Variants in SOS2 observed in about 807,000 individuals in gnomAD.
SOS2 encodes son of sevenless homolog 2.
A neutral mutation model predicts 148.2 loss-of-function variants in SOS2; 65 were observed. The observed-to-expected ratio is 0.44, with a 90% CI of 0.36 to 0.54. The LOEUF is 0.54. Ranked by LOEUF, SOS2 falls within the 20% of genes least tolerant of loss-of-function variation. SOS2 has a pLI of 0.00. For missense variants in SOS2, 1,341 were observed against 1,590.2 expected, an observed-to-expected ratio of 0.84 and a Z score of 2.67; for synonymous variants, 539 against 537.1, an observed-to-expected ratio of 1.00 and a Z score of -0.05.
At chr14:50,202,572 A>C (rs568349419) in intron 2 of SOS2, among the ~76,000 whole-genome samples, 2 of 152,100 alleles carry the variant, frequency 1.3e-5, no homozygotes, top group African/African-American at 4.8e-5. Context: ...TGTCTCTACA[A>C]AAAAATTTAA....
At position 50,161,127 on chromosome 14, in the gene SOS2, T is replaced by C. The variant is rs766448006; in HGVS notation, c.1196+355A>G. Among the ~76,000 whole-genome samples the C allele has an allele frequency of 8.2e-4, 125 of 152,168 alleles. 1 individual carries two copies. Among genetic ancestry groups the C allele is most frequent in the Non-Finnish European group, 1.5e-3 (105 of 67,976 alleles). ...GGCCGACGCGGTAAAACCCCGTCTCTACTAAAAATACAAAAATTAGCTGGG... is the reference window on the plus strand; with the variant it reads ...GGCCGACGCGGTAAAACCCCGTCTCCACTAAAAATACAAAAATTAGCTGGG... On this transcript the variant is annotated intron_variant, in intron 9 of 22. Transcript: ENST00000216373.
chr14:50,203,329 C>T (rs1414248098), intron 2 of SOS2, among the ~76,000 whole-genome samples: 1 of 152,074 alleles, frequency 6.6e-6, no homozygotes, highest in Non-Finnish European at 1.5e-5. Flanking sequence ...GATCACACCA[C>T]TGTACCCCAG....
chr14:50,125,622 TACTG>T (rs1883658062), intron 21 of SOS2, among the ~76,000 whole-genome samples: 1 of 144,596 alleles, frequency 6.9e-6, no homozygotes, highest in Non-Finnish European at 1.5e-5. Context: ...CAGAGAGTAA[TACTG>T]ACAAGCAGCA....
intron 1 of SOS2, 69 bp downstream of exon 1, chr14:50,231,128 G>T: frequency 2.1e-6 from 2 of 974,056 alleles, no homozygotes; most frequent in South Asian, 3.0e-5. Context: ...TGGGAGGGAC[G>T]ACCTGCTCCC....
chr14:50,178,453 G>A (rs1223886368), intron 7 of SOS2, among the ~76,000 whole-genome samples: 2 of 151,914 alleles, frequency 1.3e-5, no homozygotes, highest in African/African-American at 4.8e-5. Flanking sequence ...AAATCACCCA[G>A]TCTCAGTCTT....
rs1004995082 is a variant in SOS2, at chr14:50,118,646, T to C, written c.3697A>G (p.Asn1233Asp). 1.2e-6 allele frequency: 2 copies of C among 1,613,818 alleles called. No individual in the cohort carries two copies. Among genetic ancestry groups the C allele is most frequent in the African/African-American group, 2.7e-5 (2 of 74,818 alleles). ...TGCCCCAGTGGAGGTGGCTGAAGAT[T>C]AAATGGACAGTTTATAAAGTGTTCT... ...PPEHFINCPF[N>D]LQPPPLGHLH... Residue 1233 changes from asparagine (N) to aspartate (D), a missense_variant, in exon 23 of 23, where the codon AAT (asparagine) becomes GAT (aspartate). By Grantham distance (23) the Asn-to-Asp change is conservative. Around this residue, in one of 4 missense-constraint regions of SOS2, gnomAD observed 354 missense variants for 347.7 expected, o/e 1.02. Transcript: ENST00000216373.
intron 1 of SOS2, among the ~76,000 whole-genome samples, chr14:50,227,247 C>CT (rs71118857): frequency 0.012 from 1,412 of 121,522 alleles, 43 homozygotes; most frequent in African/African-American, 0.039. Flanking sequence ...TTCTTTCTTT[C>CT]TTTTTTTTTT....
intron 1 of SOS2, among the ~76,000 whole-genome samples, chr14:50,219,414 GA>G (rs1197250479): frequency 1.3e-5 from 2 of 151,584 alleles, no homozygotes; most frequent in African/African-American, 2.4e-5. Context: ...AAGCCAGATT[GA>G]AAAAAAAGAG....
chr14:50,181,385 T>G (rs907440455), intron 6 of SOS2, among the ~76,000 whole-genome samples: 3 of 151,834 alleles, frequency 2.0e-5, no homozygotes, highest in Admixed American at 1.3e-4. Context: ...GAGGCAGAGG[T>G]TGCAGTAAGA....
intron 8 of SOS2, among the ~76,000 whole-genome samples, chr14:50,165,357 G>A (rs145257839): frequency 6.6e-6 from 1 of 152,238 alleles, no homozygotes; most frequent in African/African-American, 2.4e-5. Context: ...ATTCTGGAGA[G>A]TTCCTAAGCA....
chr14:50,225,439 A>C lies in SOS2; in HGVS notation c.87+5758T>G, dbSNP rs1342597762. ...ATTTATGTCAAGGGGTAACACAGGT[A>C]ATGCTTTGAATACTCAGCATAAAAC... On this transcript the variant is annotated intron_variant, in intron 1 of 22. Transcript: ENST00000216373. Among the ~76,000 whole-genome samples, 14 of 152,260 alleles carry C rather than the reference A, an allele frequency of 9.2e-5. 2 individuals carry two copies. The highest frequency in any genetic ancestry group is 9.2e-4 in the Admixed American group (14 of 15,290).
chr14:50,161,711 T>C, intron 8 of SOS2, 102 bp from the exon 9 acceptor site: 1 of 957,144 alleles, frequency 1.0e-6, no homozygotes, highest in Non-Finnish European at 1.5e-6. Flanking sequence ...AACTCTAAGT[T>C]AATTTTATAT....
At position 50,142,967 on chromosome 14, in the gene SOS2, T is replaced by G. The variant is rs558106231; in HGVS notation, c.2667+2203A>C. On this transcript the variant is annotated intron_variant, in intron 16 of 22. Transcript: ENST00000216373. ...CTTGTTATCCTTTACTTAAAAAAAG[T>G]CTTTCCAGGTACAAAAGCAAAGGAA... is the stretch of plus-strand genomic sequence containing the variant. Among the ~76,000 whole-genome samples, 18 of 152,278 alleles carry G rather than the reference T, an allele frequency of 1.2e-4. No individual in the cohort carries two copies. The South Asian group carries it at 3.7e-3, about 32-fold the overall frequency.
At chr14:50,123,509 G>C (rs1157760300) in intron 21 of SOS2, among the ~76,000 whole-genome samples, 1 of 151,556 alleles carries the variant, frequency 6.6e-6, no homozygotes, top group South Asian at 2.1e-4. Flanking sequence ...AGCCTCCTGA[G>C]TATGCTGGGA....
At chr14:50,180,762 G>T in intron 6 of SOS2, 80 bp from the exon 7 acceptor site, 2 of 778,910 alleles carry the variant, frequency 2.6e-6, no homozygotes, top group African/African-American at 1.8e-5. Flanking sequence ...ATTATCACTT[G>T]ATCCCAGGAG....
chr14:50,200,589 CTT>C (rs971952820), intron 3 of SOS2, among the ~76,000 whole-genome samples: 1 of 96,434 alleles, frequency 1.0e-5, no homozygotes, highest in African/African-American at 4.5e-5. Flanking sequence ...GCTCATGACT[CTT>C]ATCCTAGCAC....
rs756334994 is a variant in SOS2 at position 50,180,545 on chromosome 14, A to AC, written c.969+26_969+27insG. 9.3e-5 allele frequency: 97 copies of AC among 1,039,450 alleles called. No individual in the cohort carries two copies. The Admixed American group carries it at 2.2e-3, about 24-fold the overall frequency. The allele number at this position is 1,039,450 out of a possible 1,614,324, so 64.4% of individuals were successfully genotyped here. The stretch of plus-strand genomic sequence containing the variant: ...TTATTTGCTTTATTAAAAAAAAAAA[A>AC]AAAAAAAACCTTCAATTTAAGTTTA... On this transcript the variant is annotated intron_variant, in intron 7 of 22. Coordinates refer to ENST00000216373, the MANE Select transcript of SOS2 (RefSeq NM_006939.4).
chr14:50,142,782 G>C (rs1416526740), intron 16 of SOS2, among the ~76,000 whole-genome samples: 1 of 152,110 alleles, frequency 6.6e-6, no homozygotes, highest in Non-Finnish European at 1.5e-5. Context: ...CTATATCTTT[G>C]TACATATAAC....
At position 50,159,626 on chromosome 14, in the gene SOS2, C is replaced by T; in HGVS notation, c.1657G>A (p.Asp553Asn). The T allele has an allele frequency of 6.2e-7, 1 of 1,613,768 alleles. No homozygotes were observed. Among genetic ancestry groups the T allele is most frequent in the Non-Finnish European group, 8.5e-7 (1 of 1,179,778 alleles). ...HYRSTLDRMLDSVLLKEENEQ... is the reference protein window; with the variant it reads ...HYRSTLDRMLNSVLLKEENEQ... ...TTTTCTTCTTTCAATAATACTGAAT[C>T]TAACATTCGATCTAGAGTACTACGA... Residue 553 changes from aspartate (D) to asparagine (N), a missense_variant, in exon 10 of 23, where the codon GAT becomes AAT. By Grantham distance (23) the Asp-to-Asn change is conservative. This residue lies in a region of SOS2 where 574 missense variants were observed against 711.1 expected (regional missense o/e 0.81). Transcript: ENST00000216373.
Sources: allele counts gnomAD v4.1 joint callset (sites outside exome capture counted in the v4.1 genomes callset), GRCh38; gene constraint gnomAD v4.1.1; regional missense constraint gnomAD v4.1.1; transcripts MANE v1.5; gene names NCBI Gene and HGNC (gene_info 2026-07-23, HGNC 2026-07-21).